The following KLF12 variants were observed in gnomAD, a reference collection of about 807,000 sequenced individuals.
KLF12 encodes the protein KLF transcription factor 12.
In KLF12, 9 loss-of-function variants were observed where a neutral mutation model predicts 37.8. The ratio of observed to expected loss-of-function variants is 0.24; its 90% CI spans 0.14 to 0.42. KLF12 has a LOEUF of 0.42. Ranked by LOEUF, KLF12 falls within the 10% of genes least tolerant of loss-of-function variation. The probability of loss-of-function intolerance (pLI) is 1.00; values close to 1 mark genes in which losing one functional copy is unlikely to be tolerated. For synonymous variants in KLF12, 208 were observed against 202.1 expected, an observed-to-expected ratio of 1.03 and a Z score of -0.25; for missense variants, 411 against 516.0, an observed-to-expected ratio of 0.80 and a Z score of 1.97.
chr13:73,881,194 T>C (rs1466579856), intron 3 of KLF12, among the ~76,000 whole-genome samples: 1 of 152,160 alleles, frequency 6.6e-6, no homozygotes, highest in East Asian at 1.9e-4. Flanking sequence ...CCATTATTTA[T>C]AAAAACATAG....
At chr13:73,934,149 T>G (rs373116754) in intron 3 of KLF12, among the ~76,000 whole-genome samples, 5 of 151,236 alleles carry the variant, frequency 3.3e-5, no homozygotes, top group Admixed American at 6.6e-5. Flanking sequence ...AATTGAGGGG[T>G]TTTTTTTTGC....
chr13:73,743,317 G>T (rs940364500), intron 6 of KLF12, among the ~76,000 whole-genome samples: 1 of 152,174 alleles, frequency 6.6e-6, no homozygotes, highest in Non-Finnish European at 1.5e-5. Context: ...ACATGTGCTA[G>T]GTGGTGGTGT....
chr13:73,950,806 A>G (rs911296800), intron 2 of KLF12, among the ~76,000 whole-genome samples: 1 of 152,210 alleles, frequency 6.6e-6, no homozygotes, highest in Admixed American at 6.5e-5. Context: ...GATGTCAGGT[A>G]AAGAAAAGAA....
intron 1 of KLF12, among the ~76,000 whole-genome samples, chr13:74,020,210 G>A (rs1044438987): frequency 6.6e-5 from 10 of 152,096 alleles, no homozygotes; most frequent in Admixed American, 1.3e-4. Flanking sequence ...CACAGTGCTC[G>A]TAAATGAAAG....
At chr13:74,102,226 G>GA (rs145877454) in intron 1 of KLF12, among the ~76,000 whole-genome samples, 162 of 132,432 alleles carry the variant, frequency 1.2e-3, no homozygotes, top group East Asian at 0.012. Context: ...TCAAAAAAAA[G>GA]AAAAAAAAAA....
the KLF12 span, among the ~76,000 whole-genome samples, chr13:74,188,780 G>C: frequency 6.6e-6 from 1 of 152,148 alleles, no homozygotes; most frequent in Non-Finnish European, 1.5e-5. Flanking sequence ...TGGATCACTT[G>C]AGGCCAGGAG....
At chr13:74,029,959 T>A (rs1010270439) in intron 1 of KLF12, among the ~76,000 whole-genome samples, 1 of 152,104 alleles carries the variant, frequency 6.6e-6, no homozygotes, top group Non-Finnish European at 1.5e-5. Context: ...ACTCCACAGA[T>A]GCCTCTAAAT....
the KLF12 span, among the ~76,000 whole-genome samples, chr13:74,293,370 C>T: frequency 2.6e-5 from 4 of 152,140 alleles, no homozygotes; most frequent in African/African-American, 7.2e-5. Flanking sequence ...GTGATCCTCA[C>T]GAATTTTTGG....
chr13:74,112,194 G>C (rs1165933825), intron 1 of KLF12, among the ~76,000 whole-genome samples: 1 of 109,028 alleles, frequency 9.2e-6, no homozygotes, highest in East Asian at 4.8e-4. Context: ...GTTTATGTGT[G>C]TGTGTGCATC....
At chr13:74,303,634 C>T in the KLF12 span, among the ~76,000 whole-genome samples, 32 of 152,120 alleles carry the variant, frequency 2.1e-4, no homozygotes, top group Admixed American at 7.9e-4. Context: ...ATGACTTTTA[C>T]TGAACACCTC....
chr13:73,836,730 T>C (rs917956839), intron 4 of KLF12, among the ~76,000 whole-genome samples: 47 of 152,232 alleles, frequency 3.1e-4, no homozygotes, highest in African/African-American at 1.1e-3. Context: ...AAATAAAAGA[T>C]ATTACACATC....
chr13:74,247,352 CTT>C, the KLF12 span, among the ~76,000 whole-genome samples: 2 of 152,058 alleles, frequency 1.3e-5, no homozygotes, highest in African/African-American at 2.4e-5. Context: ...AATAATAACT[CTT>C]TGAAAAAAAT....
the KLF12 span, among the ~76,000 whole-genome samples, chr13:74,265,156 T>C: frequency 6.6e-6 from 1 of 152,166 alleles, no homozygotes; most frequent in East Asian, 1.9e-4. Flanking sequence ...TCTACAAAAA[T>C]GTGATTGTGG....
chr13:73,905,637 T>C (rs1888244752), intron 3 of KLF12, among the ~76,000 whole-genome samples: 2 of 151,984 alleles, frequency 1.3e-5, no homozygotes, highest in South Asian at 2.1e-4. Context: ...GTTCCCCTTA[T>C]ATCATTGCAG....
chr13:73,827,465 TCTC>T (rs1172907549), intron 4 of KLF12, among the ~76,000 whole-genome samples: 1 of 152,200 alleles, frequency 6.6e-6, no homozygotes, highest in African/African-American at 2.4e-5. Flanking sequence ...TGTTGTCAAT[TCTC>T]CTCCCAAATA....
the KLF12 span, among the ~76,000 whole-genome samples, chr13:74,163,828 T>C: frequency 1.5e-4 from 12 of 77,826 alleles, no homozygotes; most frequent in East Asian, 6.3e-3. Context: ...TCAAAACATC[T>C]TGTGCACCCC....
At position 73,695,304 on chromosome 13, in the gene KLF12, C is replaced by T. The variant is rs1166316143; in HGVS notation, c.*186G>A. 6 of 585,878 alleles carry T rather than the reference C, an allele frequency of 1.0e-5. No homozygotes were observed. Among genetic ancestry groups the T allele is most frequent in the Admixed American group, 6.1e-5 (2 of 32,888 alleles). 36.3% of individuals were successfully genotyped at this position (585,878 alleles called of 1,614,324 possible). A position where few individuals can be genotyped will look rare whatever the true frequency, so the allele number is the denominator to read the frequency against. ...CCCAGGCCCGGGTAAAGACGGTTCT[C>T]GTCTAGTCATGATGGGGGTTACCTT... On this transcript the variant is annotated 3_prime_UTR_variant, in exon 8 of 8. Transcript: ENST00000377669.
intron 3 of KLF12, among the ~76,000 whole-genome samples, chr13:73,886,364 C>T (rs1887223009): frequency 1.3e-5 from 2 of 152,194 alleles, no homozygotes. Context: ...GATAGAAAAT[C>T]TGTGCTCAGT....
the KLF12 span, among the ~76,000 whole-genome samples, chr13:74,138,984 C>T: frequency 6.6e-6 from 1 of 152,192 alleles, no homozygotes; most frequent in East Asian, 1.9e-4. Flanking sequence ...ACATATCCAT[C>T]CTCTCACCAA....
Sources: gnomAD v4.1 joint callset for allele counts (sites outside exome capture counted in the v4.1 genomes callset) on GRCh38, gnomAD v4.1.1 for gene constraint, MANE v1.5 for transcripts, NCBI Gene and HGNC (gene_info 2026-07-23, HGNC 2026-07-21) for gene names.